Variants in NCF2 observed in about 807,000 individuals in gnomAD.
The protein encoded by NCF2 is neutrophil cytosol factor 2.
NCF2 carries 45 observed loss-of-function variants against 70.9 expected under a neutral mutation model. The ratio of observed to expected loss-of-function variants is 0.63; its 90% CI spans 0.50 to 0.81. NCF2 has a LOEUF of 0.81. Ranked by LOEUF, NCF2 falls within the 40% of genes least tolerant of loss-of-function variation. The pLI is 0.00. For synonymous variants in NCF2, 203 were observed against 233.6 expected (o/e 0.87, Z 1.19); for missense variants, 522 against 631.6 (o/e 0.83, Z 1.86).
At chr1:183,581,878 AG>A (rs1402877327) in intron 2 of NCF2, among the ~76,000 whole-genome samples, 1 of 152,144 alleles carries the variant, frequency 6.6e-6, no homozygotes, top group Non-Finnish European at 1.5e-5. Context: ...CGTGTTAGCC[AG>A]GATGGTCTCG....
At position 183,563,177 on chromosome 1, in the gene NCF2, G is replaced by A; in HGVS notation, c.1290+18C>T. 6.2e-7 allele frequency: 1 copy of A among 1,604,912 alleles called. No individual in the cohort carries two copies. Among genetic ancestry groups the A allele is most frequent in the South Asian group, 1.1e-5 (1 of 90,892 alleles). On this transcript the variant is annotated intron_variant, in intron 13 of 14. Coordinates refer to ENST00000367535, the MANE Select transcript of NCF2 (RefSeq NM_000433.4). ...GCTCAGTGGAAATGTAACTTTAGAT[G>A]CCCCTCATTGCACTCACCACTGTGT...
In NCF2 at chr1:183,555,780, A is replaced by ATGTT. The variant is rs1558087562; in HGVS notation, c.*334_*337dup. On this transcript the variant is annotated 3_prime_UTR_variant, in exon 15 of 15. Transcript: ENST00000367535. ...GTGCACCAAATGTACAGCTTGATGA[A>ATGTT]TGTTTACAGTGTGAACACAGCTGGC... The ATGTT allele has an allele frequency of 9.4e-6, 3 of 317,620 alleles. No individual in the cohort carries two copies. The highest frequency in any genetic ancestry group is 1.3e-4 in the East Asian group (2 of 15,596). 19.7% of individuals were successfully genotyped at this position (317,620 alleles called of 1,614,324 possible).
chr1:183,584,780 C>T (rs1315652075), intron 2 of NCF2, among the ~76,000 whole-genome samples: 1 of 152,124 alleles, frequency 6.6e-6, no homozygotes, highest in Non-Finnish European at 1.5e-5. Flanking sequence ...AGAGCGGGGA[C>T]AGGCAGTTAG....
At chr1:183,597,528 G>C in the NCF2 span, among the ~76,000 whole-genome samples, 84 of 152,326 alleles carry the variant, frequency 5.5e-4, no homozygotes, top group Non-Finnish European at 9.8e-4. Flanking sequence ...ATTGCAGGAT[G>C]CTGAGGTCTG....
chr1:183,594,627 T>A (rs1323790234), upstream of NCF2, among the ~76,000 whole-genome samples: 1 of 152,228 alleles, frequency 6.6e-6, no homozygotes, highest in Non-Finnish European at 1.5e-5. Flanking sequence ...ACTTGTTAAA[T>A]AAAATTTGTT....
chr1:183,556,340 T>G, intron 14 of NCF2, 110 bp from the exon 15 acceptor site: 1 of 921,118 alleles, frequency 1.1e-6, no homozygotes, highest in Admixed American at 1.9e-5. Context: ...CACCCCTAAT[T>G]GTGATCAACA....
intron 1 of NCF2, among the ~76,000 whole-genome samples, chr1:183,588,089 T>C (rs1055398667): frequency 2.6e-5 from 4 of 152,294 alleles, no homozygotes; most frequent in South Asian, 2.1e-4. Context: ...TCTAATTTCT[T>C]TGAGTTCTCC....
At chr1:183,564,313 GATC>G (rs1672212417) in intron 10 of NCF2, among the ~76,000 whole-genome samples, 1 of 152,136 alleles carries the variant, frequency 6.6e-6, no homozygotes, top group Admixed American at 6.5e-5. Context: ...GGTTAGCAGG[GATC>G]CCAAAGGTCA....
upstream of NCF2, among the ~76,000 whole-genome samples, chr1:183,591,655 G>A (rs917500494): frequency 6.6e-6 from 1 of 151,980 alleles, no homozygotes; most frequent in Non-Finnish European, 1.5e-5. Flanking sequence ...GCTAATTTTT[G>A]TATTTTTAGT....
At chr1:183,566,225 C>G (rs1489440251) in intron 9 of NCF2, among the ~76,000 whole-genome samples, 1 of 152,160 alleles carries the variant, frequency 6.6e-6, no homozygotes, top group African/African-American at 2.4e-5. Flanking sequence ...GTTGCACAGT[C>G]TAGAGACAGA....
intron 14 of NCF2, among the ~76,000 whole-genome samples, chr1:183,558,429 G>A (rs931464021): frequency 2.0e-5 from 3 of 150,696 alleles, no homozygotes; most frequent in Admixed American, 6.6e-5. Flanking sequence ...CACTATACCC[G>A]GCTAATTTTT....
intron 5 of NCF2, among the ~76,000 whole-genome samples, chr1:183,571,862 G>A (rs567131378): frequency 3.3e-5 from 5 of 152,274 alleles, no homozygotes; most frequent in Non-Finnish European, 5.9e-5. Context: ...GTGGCCTTTC[G>A]TATCTGGCTT....
intron 1 of NCF2, 110 bp downstream of exon 1, chr1:183,590,046 C>G: frequency 6.5e-7 from 1 of 1,542,320 alleles, no homozygotes; most frequent in East Asian, 2.2e-5. Context: ...GCTTGGGCAA[C>G]TTTTGTTCTT....
intron 13 of NCF2, among the ~76,000 whole-genome samples, chr1:183,561,228 C>A (rs1468292604): frequency 6.6e-6 from 1 of 152,214 alleles, no homozygotes; most frequent in Non-Finnish European, 1.5e-5. Flanking sequence ...AACAAATCAA[C>A]ATTAGAAATG....
Position 183,567,237 on chromosome 1 carries a change from A to C in NCF2, c.822T>G (p.Asn274Lys). Residue 274 changes from asparagine to lysine, a missense_variant, in exon 8 of 15, where the codon AAT (asparagine) becomes AAG (lysine). By Grantham distance (94) the Asn-to-Lys change is moderately conservative. Transcript: ENST00000367535. ...TGAACATGACCGTGGCCCAGTTATCATTGCCCTTCTTCAAGACAAAGACAA... is the reference window on the plus strand; with the variant it reads ...TGAACATGACCGTGGCCCAGTTATCCTTGCCCTTCTTCAAGACAAAGACAA... ...GNIVFVLKKGNDNWATVMFNG... is the reference protein window; with the variant it reads ...GNIVFVLKKGKDNWATVMFNG... 1 of 1,614,028 alleles carries C rather than the reference A, an allele frequency of 6.2e-7. No individual in the cohort carries two copies. Among genetic ancestry groups the C allele is most frequent in the Non-Finnish European group, 8.5e-7 (1 of 1,180,012 alleles).
At position 183,555,899 on chromosome 1, in the gene NCF2, C is replaced by T; in HGVS notation, c.*219G>A. On this transcript the variant is annotated 3_prime_UTR_variant, in exon 15 of 15. Coordinates refer to ENST00000367535, the MANE Select transcript of NCF2 (RefSeq NM_000433.4). ...TCCATCCACTTTTCCTCTCCCCTAA[C>T]TCCTCCATTCACCTGTCCCCATCTC... 1 of 602,722 alleles carries T rather than the reference C, an allele frequency of 1.7e-6. No homozygotes were observed. Among genetic ancestry groups the T allele is most frequent in the Non-Finnish European group, 3.0e-6 (1 of 337,222 alleles). The allele number at this position is 602,722 out of a possible 1,614,324, so 37.3% of individuals were successfully genotyped here. A position where few individuals can be genotyped will look rare whatever the true frequency, so the allele number is the denominator to read the frequency against.
chr1:183,571,112 A>G (rs200692369), intron 5 of NCF2, among the ~76,000 whole-genome samples: 1 of 132,326 alleles, frequency 7.6e-6, no homozygotes, highest in African/African-American at 2.7e-5. Flanking sequence ...ACATCAAATT[A>G]TCTTTTTTTT....
At chr1:183,573,453 C>A (rs561994305) in intron 4 of NCF2, among the ~76,000 whole-genome samples, 161 bp from the exon 5 acceptor site, 1 of 152,250 alleles carries the variant, frequency 6.6e-6, no homozygotes, top group African/African-American at 2.4e-5. Context: ...AAGGTAGGAA[C>A]CCTTGGTTTC....
Position 183,555,975 on chromosome 1 carries a change from A to G in NCF2, c.*143T>C. The G allele has an allele frequency of 1.3e-6, 1 of 749,406 alleles. No individual in the cohort carries two copies. Among genetic ancestry groups the G allele is most frequent in the Non-Finnish European group, 2.3e-6 (1 of 427,444 alleles). 46.4% of individuals were successfully genotyped at this position (749,406 alleles called of 1,614,324 possible). A position where few individuals can be genotyped will look rare whatever the true frequency, so the allele number is the denominator to read the frequency against. ...ATCCTGGGTACTCACATCATTGTCT[A>G]GTAGGTTAAATTTTAACAGGGAATA... is the stretch of plus-strand genomic sequence containing the variant. On this transcript the variant is annotated 3_prime_UTR_variant, in exon 15 of 15. Transcript: ENST00000367535.
Sources: allele counts gnomAD v4.1 joint callset (sites outside exome capture counted in the v4.1 genomes callset), GRCh38; gene constraint gnomAD v4.1.1; transcripts MANE v1.5; gene names NCBI Gene and HGNC (gene_info 2026-07-23, HGNC 2026-07-21).